WDR72: variants seen among roughly 807,000 people sequenced by gnomAD.
WDR72 encodes the protein WD repeat domain 72, also known as WD repeat-containing protein 72.
In WDR72, 120 loss-of-function variants were observed where a neutral mutation model predicts 124.2. That is an observed-to-expected ratio of 0.97 (90% confidence interval 0.83 to 1.12). The LOEUF is 1.12. WDR72 is among the 50% of genes most tolerant of loss of function. WDR72 has a pLI of 0.00. For missense variants in WDR72, 1,387 were observed against 1,278.8 expected (o/e 1.08, Z -1.29); for synonymous variants, 452 against 441.7 (o/e 1.02, Z -0.29).
intron 14 of WDR72, among the ~76,000 whole-genome samples, chr15:53,633,212 C>T (rs937849729): frequency 7.2e-5 from 11 of 152,138 alleles, no homozygotes; most frequent in African/African-American, 2.4e-4. Flanking sequence ...TAGCACCATG[C>T]CCCCTTGGTA....
intron 7 of WDR72, among the ~76,000 whole-genome samples, chr15:53,712,273 T>C (rs1225448977): frequency 1.3e-5 from 2 of 152,172 alleles, no homozygotes; most frequent in Non-Finnish European, 2.9e-5. Flanking sequence ...TGTAGTAGTA[T>C]ATCCTAATTT....
intron 14 of WDR72, among the ~76,000 whole-genome samples, chr15:53,628,981 G>A (rs986309586): frequency 6.6e-6 from 1 of 152,112 alleles, no homozygotes; most frequent in South Asian, 2.1e-4. Flanking sequence ...CAACTTCTGA[G>A]GCTAAATGTC....
chr15:53,716,769 A>AGTGCTACACATAAGT, intron 3 of WDR72, 84 bp from the exon 4 acceptor site: 1 of 955,682 alleles, frequency 1.0e-6, no homozygotes, highest in Non-Finnish European at 1.7e-6. Flanking sequence ...GTTTTTCTTT[A>AGTGCTACACATAAGT]GCAGCCTGAT....
intron 17 of WDR72, among the ~76,000 whole-genome samples, chr15:53,598,241 C>G (rs1179980706): frequency 6.6e-6 from 1 of 151,878 alleles, no homozygotes; most frequent in African/African-American, 2.4e-5. Context: ...CAGTGCCTTT[C>G]ATATAGCTAC....
chr15:53,563,841 G>A (rs1047832552), intron 18 of WDR72, among the ~76,000 whole-genome samples: 2 of 151,728 alleles, frequency 1.3e-5, no homozygotes, highest in Non-Finnish European at 2.9e-5. Flanking sequence ...ATCGGAGCTC[G>A]TCATCCATCA....
intron 14 of WDR72, among the ~76,000 whole-genome samples, chr15:53,629,781 C>G (rs1444990794): frequency 1.3e-5 from 2 of 152,032 alleles, no homozygotes; most frequent in Non-Finnish European, 2.9e-5. Context: ...TCTTGAAAAT[C>G]AGCAGTTTGG....
At chr15:53,713,413 A>ATTTTATTTTATTTTGTTTTG (rs1555427176) in intron 6 of WDR72, among the ~76,000 whole-genome samples, 1,423 of 112,560 alleles carry the variant, frequency 0.013, 42 homozygotes, top group African/African-American at 0.013. Flanking sequence ...ATTTTGTTGT[A>ATTTTATTTTATTTTGTTTTG]TTTTATTTTA....
chr15:53,726,397 T>C (rs971419648), intron 2 of WDR72, among the ~76,000 whole-genome samples: 20 of 150,972 alleles, frequency 1.3e-4, no homozygotes, highest in Non-Finnish European at 1.8e-4. Flanking sequence ...CCCTGTACCT[T>C]CCAGTCAGTT....
chr15:53,709,941 T>C (rs2017486049), intron 9 of WDR72, among the ~76,000 whole-genome samples: 1 of 152,188 alleles, frequency 6.6e-6, no homozygotes, highest in South Asian at 2.1e-4. Context: ...TTCAAAACTC[T>C]TCCACTCTCC....
upstream of WDR72, among the ~76,000 whole-genome samples, chr15:53,760,320 C>T (rs1208848654): frequency 6.6e-6 from 1 of 150,378 alleles, no homozygotes; most frequent in Non-Finnish European, 1.5e-5. Context: ...CACCCGACTC[C>T]CCCACCCCCC....
At chr15:53,533,053 G>A (rs959895608) in intron 18 of WDR72, among the ~76,000 whole-genome samples, 9 of 152,110 alleles carry the variant, frequency 5.9e-5, no homozygotes, top group African/African-American at 2.2e-4. Context: ...CAGAAGGCTG[G>A]TGCTTTCGGA....
intron 13 of WDR72, among the ~76,000 whole-genome samples, chr15:53,678,759 C>G (rs2016266373): frequency 1.3e-5 from 2 of 152,190 alleles, no homozygotes; most frequent in Non-Finnish European, 2.9e-5. Context: ...CCCCACCTCT[C>G]ATAATGTATA....
chr15:53,694,242 G>A (rs780167847), intron 13 of WDR72, among the ~76,000 whole-genome samples: 1 of 152,170 alleles, frequency 6.6e-6, no homozygotes, highest in Admixed American at 6.5e-5. Context: ...CTGAGTAAGG[G>A]AAGCAATTTC....
Position 53,710,924 on chromosome 15 carries a change from T to A in WDR72, c.887A>T (p.Asp296Val). 6.2e-7 allele frequency: 1 copy of A among 1,613,852 alleles called. No individual in the cohort carries two copies. Among genetic ancestry groups the A allele is most frequent in the South Asian group, 1.1e-5 (1 of 91,082 alleles). ...SGLSKSIYPADGRVLKETIYP... is the reference protein window; with the variant it reads ...SGLSKSIYPAVGRVLKETIYP... ...AATGGTCTCTTTAAGCACTCTTCCA[T>A]CAGCAGGGTATATGCTTTTTGAAAG... is the stretch of plus-strand genomic sequence containing the variant. Residue 296 changes from aspartate to valine, a missense_variant, in exon 9 of 20, where the codon GAT becomes GTT. Coordinates refer to ENST00000360509, the MANE Select transcript of WDR72 (RefSeq NM_182758.4).
chr15:53,662,109 T>A (rs559135008), intron 14 of WDR72, among the ~76,000 whole-genome samples: 1 of 152,200 alleles, frequency 6.6e-6, no homozygotes, highest in Non-Finnish European at 1.5e-5. Context: ...ATTTATTCCC[T>A]ACTTTGATGC....
chr15:53,676,565 A>G (rs940561061), intron 13 of WDR72, among the ~76,000 whole-genome samples: 1 of 152,238 alleles, frequency 6.6e-6, no homozygotes, highest in Non-Finnish European at 1.5e-5. Context: ...ACCTGGCCAC[A>G]GCCAGCAAGG....
chr15:53,536,087 C>G (rs1892745366), intron 18 of WDR72, among the ~76,000 whole-genome samples: 1 of 152,116 alleles, frequency 6.6e-6, no homozygotes, highest in Non-Finnish European at 1.5e-5. Flanking sequence ...AGAGGCACAG[C>G]TGGGACTTGG....
At chr15:53,665,163 A>C (rs987188185) in intron 14 of WDR72, among the ~76,000 whole-genome samples, 1 of 152,052 alleles carries the variant, frequency 6.6e-6, no homozygotes, top group Non-Finnish European at 1.5e-5. Context: ...TGGTTATATC[A>C]AAAGAATTAT....
rs1271893762 is a variant in WDR72, at chr15:53,515,167, T to A, written c.*2532A>T. The A allele has an allele frequency of 7.1e-6, 1 of 140,562 alleles. No individual in the cohort carries two copies. The highest frequency in any genetic ancestry group is 1.6e-5 in the Non-Finnish European group (1 of 63,198). 8.7% of individuals were successfully genotyped at this position (140,562 alleles called of 1,614,324 possible). On this transcript the variant is annotated 3_prime_UTR_variant, in exon 20 of 20. Transcript: ENST00000360509. ...AAAAAGAAACACAAGACAAAATTTT[T>A]AAATAAATTTTTTATTACAATGACA... is the stretch of plus-strand genomic sequence containing the variant.
Sources: allele counts gnomAD v4.1 joint callset (sites outside exome capture counted in the v4.1 genomes callset), GRCh38; gene constraint gnomAD v4.1.1; transcripts MANE v1.5; gene names NCBI Gene and HGNC (gene_info 2026-07-23, HGNC 2026-07-21).